Variants in SMC6 observed in about 807,000 individuals in gnomAD.
SMC6 encodes the protein structural maintenance of chromosomes 6, also known as structural maintenance of chromosomes protein 6.
Under a neutral mutation model 142.2 loss-of-function variants are expected in SMC6, and 79 were observed. The ratio of observed to expected loss-of-function variants is 0.56; its 90% confidence interval spans 0.46 to 0.67. SMC6 has a LOEUF of 0.67. SMC6 is among the 30% of genes least tolerant of loss of function. The pLI is 0.00. For missense variants in SMC6, 1,072 were observed against 1,284.0 expected (o/e 0.83, Z 2.52); for synonymous variants, 411 against 412.4 (o/e 1.00, Z 0.04).
At chr2:17,715,900 T>G (rs966263347) in intron 15 of SMC6, among the ~76,000 whole-genome samples, 186 bp downstream of exon 15, 1 of 152,176 alleles carries the variant, frequency 6.6e-6, no homozygotes, top group African/African-American at 2.4e-5. Context: ...TTACTTTTCC[T>G]TTTCCAAAGT....
chr2:17,739,837 C>CACACACAG (rs1167377357), intron 4 of SMC6, among the ~76,000 whole-genome samples: 1 of 104,456 alleles, frequency 9.6e-6, no homozygotes, highest in African/African-American at 5.2e-5. Flanking sequence ...CACACACACA[C>CACACACAG]ACACACAGAC....
intron 18 of SMC6, among the ~76,000 whole-genome samples, chr2:17,703,892 C>T (rs910940837): frequency 1.3e-5 from 2 of 151,582 alleles, no homozygotes; most frequent in African/African-American, 2.4e-5. Flanking sequence ...ATATATTAAT[C>T]GGCTATTTAT....
rs1333728122 is a variant in SMC6, at chr2:17,717,164, G to T, written c.1105C>A (p.Arg369=). 2 of 1,604,558 alleles carry T rather than the reference G, an allele frequency of 1.2e-6. No individual in the cohort carries two copies. The highest frequency in any genetic ancestry group is 1.7e-5 in the Admixed American group (1 of 58,606). The change falls in exon 13 of 28, where the codon CGA becomes AGA. Residue 369 remains arginine (R), a synonymous_variant. Transcript: ENST00000448223. ...AATGCTTTATATTCGTTTAAGGATC[G>T]GTTATATAAAACCTAACCAAAAAAA... is the stretch of plus-strand genomic sequence containing the variant. ...AYNEAEVLYN[R]SLNEYKALKK...
intron 3 of SMC6, 80 bp from the exon 4 acceptor site, chr2:17,741,809 A>T: frequency 1.2e-6 from 1 of 849,114 alleles, no homozygotes; most frequent in Non-Finnish European, 1.8e-6. Context: ...GGCATCAGAA[A>T]GACTAGCACC....
chr2:17,718,252 A>AT, intron 11 of SMC6, 29 bp from the exon 12 acceptor site: 1 of 1,513,672 alleles, frequency 6.6e-7, no homozygotes, highest in Non-Finnish European at 8.9e-7. Context: ...ATTGAAGTAT[A>AT]TTTTTTCTTC....
chr2:17,713,719 G>C, intron 16 of SMC6: 1 of 317,220 alleles, frequency 3.2e-6, no homozygotes, highest in East Asian at 1.0e-4. Flanking sequence ...TATTGATTTT[G>C]CCCAAATCTC....
rs150881719 is a variant in SMC6 at position 17,743,742 on chromosome 2, T to C, written c.121-2013A>G. ...CGCTAAAAATCCGGTGCTCAACCTA[T>C]TCATCCCTCCCTTTCCTCAACCCCT... On this transcript the variant is annotated intron_variant, in intron 3 of 27. Coordinates refer to ENST00000448223, the MANE Select transcript of SMC6 (RefSeq NM_001142286.2). Among the ~76,000 whole-genome samples the C allele has an allele frequency of 2.8e-4, 42 of 152,308 alleles. 1 individual carries two copies. In the East Asian group the frequency reaches 3.5e-3, roughly 13 times the overall value.
At chr2:17,696,054 T>G (rs1667970651) in intron 22 of SMC6, among the ~76,000 whole-genome samples, 1 of 152,182 alleles carries the variant, frequency 6.6e-6, no homozygotes, top group African/African-American at 2.4e-5. Context: ...CAGCGCTACT[T>G]TCTAAAGCAC....
intron 14 of SMC6, 104 bp downstream of exon 14, chr2:17,716,637 T>C (rs539936950): frequency 3.4e-6 from 4 of 1,171,112 alleles, no homozygotes; most frequent in Admixed American, 2.4e-5. Context: ...AAAGATCCCT[T>C]ATTATGTAGA....
intron 21 of SMC6, among the ~76,000 whole-genome samples, chr2:17,699,342 C>T (rs942158951): frequency 3.9e-5 from 6 of 152,060 alleles, no homozygotes; most frequent in Non-Finnish European, 7.4e-5. Flanking sequence ...AAATCCTTTT[C>T]TATATAAGGT....
Position 17,664,270 on chromosome 2 carries a change from T to C in SMC6, c.*1229A>G, listed in dbSNP as rs1388848028. ...CTTTCCTCCTCCTGGAAATTCTGAT[T>C]AGAAAGCCCAAGTTTTTGAACTTCT... is the stretch of plus-strand genomic sequence containing the variant. On this transcript the variant is annotated 3_prime_UTR_variant, in exon 28 of 28. Transcript: ENST00000448223. The C allele has an allele frequency of 1.3e-5, 2 of 152,226 alleles. No individual in the cohort carries two copies. The highest frequency in any genetic ancestry group is 2.9e-5 in the Non-Finnish European group (2 of 68,028). 9.4% of individuals were successfully genotyped at this position (152,226 alleles called of 1,614,324 possible). A position where few individuals can be genotyped will look rare whatever the true frequency, so the allele number is the denominator to read the frequency against.
intron 3 of SMC6, among the ~76,000 whole-genome samples, chr2:17,744,366 C>T (rs1204422486): frequency 6.6e-6 from 1 of 152,008 alleles, no homozygotes; most frequent in Non-Finnish European, 1.5e-5. Context: ...TTTTAACGTC[C>T]ATGTGTTCAA....
At chr2:17,672,421 T>C (rs142078848) in intron 25 of SMC6, among the ~76,000 whole-genome samples, 1 of 152,220 alleles carries the variant, frequency 6.6e-6, no homozygotes, top group Admixed American at 6.5e-5. Flanking sequence ...TCTAATACTT[T>C]TTTTTCTCCA....
At chr2:17,714,698 C>G (rs1028203709) in intron 16 of SMC6, among the ~76,000 whole-genome samples, 163 bp downstream of exon 16, 6 of 152,120 alleles carry the variant, frequency 3.9e-5, no homozygotes, top group Non-Finnish European at 8.8e-5. Flanking sequence ...ATCTATGTTT[C>G]TCTAATGCCC....
chr2:17,699,247 G>C (rs928907551), intron 21 of SMC6, among the ~76,000 whole-genome samples: 2 of 151,918 alleles, frequency 1.3e-5, no homozygotes, highest in Admixed American at 6.6e-5. Flanking sequence ...GTGGACACAG[G>C]GTTGACAGGT....
chr2:17,707,271 A>G lies in SMC6; in HGVS notation c.1954T>C (p.Ser652Pro). ...DQVFAGRYYS[S>P]ENTRPKFLSR... ...AGGAACTTAGGTCTTGTATTTTCAG[A>G]TGAATAATAACGTCCTGCAAAAACT... is the stretch of plus-strand genomic sequence containing the variant. The change falls in exon 18 of 28, where the codon TCT (serine) becomes CCT (proline). Residue 652 changes from serine (S) to proline (P), a missense_variant. By Grantham distance (74) the Ser-to-Pro change is moderately conservative. This residue lies in a region of SMC6 where 994 missense variants were observed against 1,153.2 expected (regional missense o/e 0.86). Transcript: ENST00000448223. 6.2e-7 allele frequency: 1 copy of G among 1,601,086 alleles called. No individual in the cohort carries two copies. Among genetic ancestry groups the G allele is most frequent in the Non-Finnish European group, 8.5e-7 (1 of 1,174,754 alleles).
At chr2:17,699,247 G>T (rs928907551) in intron 21 of SMC6, among the ~76,000 whole-genome samples, 1 of 151,918 alleles carries the variant, frequency 6.6e-6, no homozygotes, top group African/African-American at 2.4e-5. Context: ...GTGGACACAG[G>T]GTTGACAGGT....
intron 21 of SMC6, among the ~76,000 whole-genome samples, chr2:17,696,944 C>T (rs1176529887): frequency 6.6e-6 from 1 of 151,798 alleles, no homozygotes. Flanking sequence ...CTATAATGCA[C>T]GGCCACCACT....
chr2:17,680,567 G>A (rs1393326448), intron 24 of SMC6: 1 of 152,148 alleles, frequency 6.6e-6, no homozygotes, highest in Non-Finnish European at 1.5e-5. Flanking sequence ...ATTACTCCTT[G>A]ATCTATGGGT....
Sources: gnomAD v4.1 joint callset for allele counts (sites outside exome capture counted in the v4.1 genomes callset) on GRCh38, gnomAD v4.1.1 for gene constraint, gnomAD v4.1.1 regional missense constraint, MANE v1.5 for transcripts, NCBI Gene and HGNC (gene_info 2026-07-23, HGNC 2026-07-21) for gene names.